LRP1B: variants seen among roughly 807,000 people sequenced by gnomAD.
The protein encoded by LRP1B is LDL receptor related protein 1B.
A neutral mutation model predicts 556.6 loss-of-function variants in LRP1B; 217 were observed. That is an observed-to-expected ratio of 0.39 (90% CI 0.35 to 0.44). The LOEUF is 0.44. LRP1B is among the 20% of genes least tolerant of loss of function. The pLI is 1.00. For missense variants in LRP1B, 5,053 were observed against 5,620.8 expected (o/e 0.90, Z 3.23); for synonymous variants, 2,047 against 1,865.8 (o/e 1.10, Z -2.50).
intron 2 of LRP1B, 109 bp downstream of exon 2, chr2:141,810,165 GAAGGA>G (rs1558891117): frequency 5.5e-6 from 2 of 365,398 alleles, no homozygotes; most frequent in Non-Finnish European, 7.3e-6. Flanking sequence ...AAGAAAGAAA[GAAGGA>G]AAGAAAGAAA....
At chr2:140,815,958 A>G (rs543814588) in intron 31 of LRP1B, among the ~76,000 whole-genome samples, 1 of 150,832 alleles carries the variant, frequency 6.6e-6, no homozygotes, top group African/African-American at 2.4e-5. Flanking sequence ...AGGCTTTGTC[A>G]TAGTCATCTT....
At chr2:141,849,417 T>C (rs1697767325) in intron 1 of LRP1B, among the ~76,000 whole-genome samples, 1 of 151,700 alleles carries the variant, frequency 6.6e-6, no homozygotes, top group African/African-American at 2.4e-5. Context: ...TTCGGCTTAA[T>C]AGAGATCTTA....
At chr2:141,652,573 G>A (rs1192948470) in intron 2 of LRP1B, among the ~76,000 whole-genome samples, 1 of 152,116 alleles carries the variant, frequency 6.6e-6, no homozygotes, top group Non-Finnish European at 1.5e-5. Context: ...AGTGTAGAGA[G>A]GATAACAAGA....
chr2:140,518,616 T>G (rs944044757), intron 49 of LRP1B, among the ~76,000 whole-genome samples: 1 of 152,192 alleles, frequency 6.6e-6, no homozygotes, highest in Non-Finnish European at 1.5e-5. Context: ...CGTAGAGCAG[T>G]GGTTTGTAGT....
At chr2:140,678,587 C>T (rs1685752111) in intron 41 of LRP1B, among the ~76,000 whole-genome samples, 1 of 152,064 alleles carries the variant, frequency 6.6e-6, no homozygotes, top group African/African-American at 2.4e-5. Context: ...ACATATTTTC[C>T]TCTAAAAATA....
intron 3 of LRP1B, among the ~76,000 whole-genome samples, chr2:141,418,774 T>A (rs916205228): frequency 4.6e-5 from 7 of 152,012 alleles, no homozygotes; most frequent in African/African-American, 1.7e-4. Flanking sequence ...CTGTAAAAAA[T>A]GCCATTAGGA....
At chr2:140,536,963 G>A (rs1168367634) in intron 45 of LRP1B, among the ~76,000 whole-genome samples, 1 of 150,826 alleles carries the variant, frequency 6.6e-6, no homozygotes, top group South Asian at 2.1e-4. Context: ...CATGAGGTCA[G>A]GAGATTGAGA....
At chr2:141,226,116 T>TCC (rs768618584) in intron 6 of LRP1B, among the ~76,000 whole-genome samples, 1 of 33,868 alleles carries the variant, frequency 3.0e-5, no homozygotes, top group African/African-American at 4.7e-5. Flanking sequence ...AGTCTCAATT[T>TCC]TCCCCCCCAA....
chr2:141,949,900 A>G (rs1481229066), intron 1 of LRP1B, among the ~76,000 whole-genome samples: 3 of 152,212 alleles, frequency 2.0e-5, no homozygotes, highest in Non-Finnish European at 1.5e-5. Flanking sequence ...TCAACCCTTT[A>G]AAAGACAAAT....
intron 1 of LRP1B, among the ~76,000 whole-genome samples, chr2:142,084,407 C>T (rs913956582): frequency 6.6e-6 from 1 of 152,136 alleles, no homozygotes; most frequent in African/African-American, 2.4e-5. Context: ...CATTTTCTTG[C>T]TAGGTCTCCA....
intron 67 of LRP1B, among the ~76,000 whole-genome samples, chr2:140,381,381 TATTCATGCTA>T: frequency 6.6e-6 from 1 of 152,242 alleles, no homozygotes; most frequent in Non-Finnish European, 1.5e-5. Flanking sequence ...CAAAATGCTA[TATTCATGCTA>T]ATTTTCTCTG....
chr2:141,587,349 G>C (rs1687178510), intron 2 of LRP1B, among the ~76,000 whole-genome samples: 1 of 152,102 alleles, frequency 6.6e-6, no homozygotes, highest in African/African-American at 2.4e-5. Context: ...CACTTGCTTT[G>C]GGAGCTGACC....
At chr2:140,989,187 C>T (rs985881481) in intron 17 of LRP1B, among the ~76,000 whole-genome samples, 1 of 151,740 alleles carries the variant, frequency 6.6e-6, no homozygotes, top group East Asian at 1.9e-4. Context: ...AAAAAAAAAT[C>T]CTCCTTGTGA....
At chr2:141,998,466 G>A (rs572875600) in intron 1 of LRP1B, among the ~76,000 whole-genome samples, 51 of 151,910 alleles carry the variant, frequency 3.4e-4, no homozygotes, top group Middle Eastern at 3.4e-3. Context: ...TAAGTTCTCC[G>A]GTTGATTAAG....
At chr2:141,848,051 A>T (rs1697714505) in intron 1 of LRP1B, among the ~76,000 whole-genome samples, 1 of 151,608 alleles carries the variant, frequency 6.6e-6, no homozygotes, top group Admixed American at 6.6e-5. Context: ...AGCTACAATG[A>T]GTAAGGAGAA....
chr2:141,603,938 G>T (rs1449526890), intron 2 of LRP1B, among the ~76,000 whole-genome samples: 1 of 152,150 alleles, frequency 6.6e-6, no homozygotes, highest in Non-Finnish European at 1.5e-5. Context: ...ACCCAGTTTT[G>T]TAAGGAGATT....
intron 2 of LRP1B, among the ~76,000 whole-genome samples, chr2:141,663,926 A>AC (rs1044352819): frequency 6.6e-6 from 1 of 151,618 alleles, no homozygotes; most frequent in African/African-American, 2.4e-5. Context: ...ACATCAAAAA[A>AC]AAAAAAAAAA....
intron 41 of LRP1B, among the ~76,000 whole-genome samples, chr2:140,628,230 T>G (rs1228719203): frequency 1.3e-5 from 2 of 151,958 alleles, no homozygotes; most frequent in Non-Finnish European, 2.9e-5. Context: ...AGTCTCCAAG[T>G]TTAAAATTAT....
At position 140,596,836 on chromosome 2, in the gene LRP1B, T is replaced by C. The variant is rs887984412; in HGVS notation, c.7194+1795A>G. ...CTTCATCTGCAAATGGGGATCATCA[T>C]AATAATGCCTTCCACGGGGAGGGCT... On this transcript the variant is annotated intron_variant, in intron 43 of 90. Coordinates refer to ENST00000389484, the MANE Select transcript of LRP1B (RefSeq NM_018557.3). Among the ~76,000 whole-genome samples the C allele has an allele frequency of 6.6e-5, 10 of 152,270 alleles. No homozygotes were observed. In the South Asian group the frequency reaches 8.3e-4, roughly 13 times the overall value.
Sources: allele counts gnomAD v4.1 joint callset (sites outside exome capture counted in the v4.1 genomes callset), GRCh38; gene constraint gnomAD v4.1.1; transcripts MANE v1.5; gene names NCBI Gene and HGNC (gene_info 2026-07-23, HGNC 2026-07-21).